HIPK2: variants seen among roughly 807,000 people sequenced by gnomAD.
The protein encoded by HIPK2 is homeodomain interacting protein kinase 2.
HIPK2 carries 27 observed loss-of-function variants against 113.7 expected under a neutral mutation model. The observed-to-expected ratio is 0.24, with a 90% CI of 0.17 to 0.33. The LOEUF (loss-of-function observed/expected upper bound fraction) is 0.33, where lower values mean the gene tolerates loss of function less well. HIPK2 is among the 10% of genes least tolerant of loss of function. HIPK2 has a pLI of 1.00. For missense variants in HIPK2, 1,257 were observed against 1,588.0 expected (o/e 0.79, Z 3.54); for synonymous variants, 631 against 642.2 (o/e 0.98, Z 0.26).
intron 9 of HIPK2, among the ~76,000 whole-genome samples, chr7:139,605,756 T>C (rs1799598018): frequency 6.6e-6 from 1 of 152,222 alleles, no homozygotes. Context: ...GCGCATACCA[T>C]GAGTGCTTAA....
At chr7:139,655,611 T>C (rs540634023) in intron 2 of HIPK2, among the ~76,000 whole-genome samples, 1 of 152,350 alleles carries the variant, frequency 6.6e-6, no homozygotes, top group African/African-American at 2.4e-5. Flanking sequence ...AAGGTGGCAA[T>C]GCTTGTCCCT....
At chr7:139,612,867 G>T (rs184223933) in intron 9 of HIPK2, among the ~76,000 whole-genome samples, 73 of 152,182 alleles carry the variant, frequency 4.8e-4, no homozygotes, top group Non-Finnish European at 9.3e-4. Flanking sequence ...GAAATTTGAG[G>T]CAAAGAGATA....
intron 2 of HIPK2, among the ~76,000 whole-genome samples, chr7:139,655,753 G>T (rs1295182303): frequency 2.0e-5 from 3 of 152,104 alleles, no homozygotes; most frequent in African/African-American, 7.2e-5. Context: ...ATGATTGATT[G>T]TGGTTATGAT....
At chr7:139,657,553 GTAGACCTT>G (rs1462175641) in intron 2 of HIPK2, among the ~76,000 whole-genome samples, 1 of 152,184 alleles carries the variant, frequency 6.6e-6, no homozygotes, top group Non-Finnish European at 1.5e-5. Flanking sequence ...CCCTGCCTGG[GTAGACCTT>G]TACTCTCATT....
intron 2 of HIPK2, among the ~76,000 whole-genome samples, chr7:139,711,507 G>C (rs951445026): frequency 6.6e-6 from 1 of 151,898 alleles, no homozygotes; most frequent in Non-Finnish European, 1.5e-5. Context: ...TTCAATTTTT[G>C]GGTCCTGGTA....
In HIPK2 at chr7:139,613,177, G is replaced by A; in HGVS notation, c.2112+25C>T. 6.2e-7 allele frequency: 1 copy of A among 1,612,796 alleles called. No individual in the cohort carries two copies. Among genetic ancestry groups the A allele is most frequent in the Non-Finnish European group, 8.5e-7 (1 of 1,179,296 alleles). On this transcript the variant is annotated intron_variant, in intron 9 of 14. Transcript: ENST00000406875. This position sits in a 1 kb window ranked among gnomAD's most constrained non-coding sequence, Gnocchi z 4.2. Reference sequence around the variant, plus strand: ...ATTAACACAGGTAATGGTAATACCAGTAATAATAAAGGAGAAAGAATTACC... The same window carrying A: ...ATTAACACAGGTAATGGTAATACCAATAATAATAAAGGAGAAAGAATTACC...
At chr7:139,579,320 A>G (rs1287972778) in intron 13 of HIPK2, among the ~76,000 whole-genome samples, 1 of 152,224 alleles carries the variant, frequency 6.6e-6, no homozygotes, top group Admixed American at 6.5e-5. Context: ...AATTCGGAGC[A>G]TTCATTTTGG....
At chr7:139,770,249 C>G (rs1360044018) in intron 1 of HIPK2, among the ~76,000 whole-genome samples, 3 of 152,196 alleles carry the variant, frequency 2.0e-5, no homozygotes, top group Non-Finnish European at 4.4e-5. Context: ...CGGCAATAAG[C>G]TGGAGTTTTC....
At chr7:139,708,647 G>A (rs183503346) in intron 2 of HIPK2, among the ~76,000 whole-genome samples, 7 of 152,356 alleles carry the variant, frequency 4.6e-5, no homozygotes, top group South Asian at 2.1e-4. Flanking sequence ...TGAACACTGC[G>A]TCTGCACCTG....
chr7:139,724,151 T>C (rs768846542), intron 1 of HIPK2, among the ~76,000 whole-genome samples: 2 of 152,162 alleles, frequency 1.3e-5, no homozygotes, highest in African/African-American at 2.4e-5. Flanking sequence ...GTTGGAAATA[T>C]GCATCTAAAT....
At chr7:139,588,341 A>G (rs192210484) in intron 12 of HIPK2, among the ~76,000 whole-genome samples, 1,539 of 140,072 alleles carry the variant, frequency 0.011, 25 homozygotes, top group African/African-American at 0.04. Context: ...CCCCCTGCTG[A>G]AAAAAAAAAA....
chr7:139,738,087 C>T lies in HIPK2; in HGVS notation c.20-21072G>A, dbSNP rs184052983. ...AGGCTCAATTCAAGACTTAGCAGTCCTGTTTTATACATGTTCCCTGAGTAC... is the reference window on the plus strand; with the variant it reads ...AGGCTCAATTCAAGACTTAGCAGTCTTGTTTTATACATGTTCCCTGAGTAC... On this transcript the variant is annotated intron_variant, in intron 1 of 14. Transcript: ENST00000406875. Among the ~76,000 whole-genome samples the T allele has an allele frequency of 1.9e-3, 294 of 152,342 alleles. No individual in the cohort carries two copies. The Middle Eastern group carries it at 0.027, about 14-fold the overall frequency.
chr7:139,649,021 C>T (rs114187826), intron 2 of HIPK2, among the ~76,000 whole-genome samples: 2,895 of 152,096 alleles, frequency 0.019, 89 homozygotes, highest in African/African-American at 0.066. Flanking sequence ...AAGGCAGCAC[C>T]ATATTTCCTC....
At position 139,716,104 on chromosome 7, in the gene HIPK2, C is replaced by G. The variant is rs1445967484; in HGVS notation, c.931G>C (p.Ala311Pro). Residue 311 changes from alanine (A) to proline (P), a missense_variant, in exon 2 of 15, where the codon GCC (alanine) becomes CCC (proline). Around this residue, in one of 5 missense-constraint regions of HIPK2, gnomAD observed 84 missense variants for 182.2 expected, o/e 0.46. Transcript: ENST00000406875. This position sits in a 1 kb window ranked among gnomAD's most constrained non-coding sequence, Gnocchi z 9.3. The stretch of plus-strand genomic sequence containing the variant: ...CCTAGGCTTTTGAGTTTCATCAGGG[C>G]TGTGGCTACCTGCTGGAGAACTGGG... ...IRPVLQQVAT[A>P]LMKLKSLGLI... 12 of 1,614,108 alleles carry G rather than the reference C, an allele frequency of 7.4e-6. No homozygotes were observed. The South Asian group carries it at 1.3e-4, about 18-fold the overall frequency.
intron 2 of HIPK2, among the ~76,000 whole-genome samples, chr7:139,715,671 T>A (rs542701674): frequency 1.3e-5 from 2 of 152,326 alleles, no homozygotes; most frequent in South Asian, 2.1e-4. Flanking sequence ...GACGGAACTC[T>A]TCTGCTCTGC....
At position 139,572,060 on chromosome 7, in the gene HIPK2, C is replaced by T. The variant is rs1376113460; in HGVS notation, c.*867G>A. 1.3e-5 allele frequency: 2 copies of T among 152,224 alleles called. No homozygotes were observed. Among genetic ancestry groups the T allele is most frequent in the Admixed American group, 6.5e-5 (1 of 15,284 alleles). 9.4% of individuals were successfully genotyped at this position (152,224 alleles called of 1,614,324 possible). A position where few individuals can be genotyped will look rare whatever the true frequency, so the allele number is the denominator to read the frequency against. ...ATTCTACTAGGGTGTCTGTGACGAC[C>T]GCTAGCCCTACGCTACGCGACTAGG... On this transcript the variant is annotated 3_prime_UTR_variant, in exon 15 of 15. Coordinates refer to ENST00000406875, the MANE Select transcript of HIPK2 (RefSeq NM_022740.5).
In HIPK2 at chr7:139,569,937, T is replaced by C. The variant is rs1798209574; in HGVS notation, c.*2990A>G. The C allele has an allele frequency of 1.3e-5, 2 of 152,202 alleles. No homozygotes were observed. The highest frequency in any genetic ancestry group is 6.5e-5 in the Admixed American group (1 of 15,282). 9.4% of individuals were successfully genotyped at this position (152,202 alleles called of 1,614,324 possible). On this transcript the variant is annotated 3_prime_UTR_variant, in exon 15 of 15. Transcript: ENST00000406875. ...AATAAAAATAATTAGTACAATAATA[T>C]TATCTTTATGAGCAGCATGGAAATT...
At position 139,630,380 on chromosome 7, in the gene HIPK2, T is replaced by C. The variant is rs375573587; in HGVS notation, c.1347+785A>G. On this transcript the variant is annotated intron_variant, in intron 4 of 14. Coordinates refer to ENST00000406875, the MANE Select transcript of HIPK2 (RefSeq NM_022740.5). The surrounding 1 kb of genome is among the most constrained non-coding windows in gnomAD (Gnocchi z 4.0). ...CAGCCGCCACCCCACACTTCTATAC[T>C]GGGCAAACCCGCTTCATTCTTCCTT... Among the ~76,000 whole-genome samples the C allele has an allele frequency of 2.1e-4, 32 of 152,166 alleles. No homozygotes were observed. In the South Asian group the frequency reaches 6.6e-3, roughly 32 times the overall value.
At chr7:139,659,043 AT>A (rs1801771296) in intron 2 of HIPK2, among the ~76,000 whole-genome samples, 1 of 151,674 alleles carries the variant, frequency 6.6e-6, no homozygotes, top group Admixed American at 6.6e-5. Flanking sequence ...TGATGGACAT[AT>A]TTCTCGCTGA....
Sources: allele counts gnomAD v4.1 joint callset (sites outside exome capture counted in the v4.1 genomes callset), GRCh38; gene constraint gnomAD v4.1.1; regional missense constraint gnomAD v4.1.1; non-coding constraint Gnocchi (gnomAD v3.1); transcripts MANE v1.5; gene names NCBI Gene and HGNC (gene_info 2026-07-23, HGNC 2026-07-21).